TRIOBP: variants seen among roughly 807,000 people sequenced by gnomAD.
TRIOBP encodes the protein TRIO and F-actin binding protein.
TRIOBP carries 169 observed loss-of-function variants against 238.8 expected under a neutral mutation model. The ratio of observed to expected loss-of-function variants is 0.71; its 90% CI spans 0.62 to 0.80. The LOEUF (loss-of-function observed/expected upper bound fraction) is 0.80. Among genes scored for constraint, TRIOBP ranks in the 30% least tolerant of loss-of-function variants. The pLI is 0.00. For synonymous variants in TRIOBP, 1,150 were observed against 1,274.4 expected (o/e 0.90, Z 2.08); for missense variants, 2,838 against 3,122.6 (o/e 0.91, Z 2.17).
At chr22:37,721,799 G>A (rs530384296) in intron 6 of TRIOBP, among the ~76,000 whole-genome samples, 1 of 152,306 alleles carries the variant, frequency 6.6e-6, no homozygotes, top group African/African-American at 2.4e-5. Context: ...CCTTTAAGAT[G>A]AGGCCATGAT....
At chr22:37,748,981 C>T (rs1203820417) in intron 11 of TRIOBP, among the ~76,000 whole-genome samples, 4 of 152,156 alleles carry the variant, frequency 2.6e-5, no homozygotes, top group Non-Finnish European at 5.9e-5. Flanking sequence ...ACAGGGGCCC[C>T]TCAGCAAGGG....
chr22:37,761,219 G>T (rs905961143), intron 17 of TRIOBP, among the ~76,000 whole-genome samples: 3 of 152,046 alleles, frequency 2.0e-5, no homozygotes, highest in African/African-American at 7.2e-5. Context: ...AGGTGAGGTG[G>T]GTGGATCACT....
At chr22:37,757,554 G>A in intron 15 of TRIOBP, 59 bp from the exon 16 acceptor site, 1 of 1,539,614 alleles carries the variant, frequency 6.5e-7, no homozygotes, top group Non-Finnish European at 8.7e-7. Flanking sequence ...CTCCAAAAGT[G>A]CTCATTGTGG....
chr22:37,739,505 T>C (rs1055008044), intron 10 of TRIOBP, among the ~76,000 whole-genome samples: 3 of 152,104 alleles, frequency 2.0e-5, no homozygotes, highest in Non-Finnish European at 4.4e-5. Flanking sequence ...ACTGTGCAGA[T>C]GAGGAAATGG....
chr22:37,765,661 G>C lies in TRIOBP; in HGVS notation c.6325-9G>C, dbSNP rs1458434005. Reference sequence around the variant, plus strand: ...GGCAGCCTGTGACACCCTGGCGTCCGGCCCACAGGAGGCATGTGAGCGCAG... The same window carrying C: ...GGCAGCCTGTGACACCCTGGCGTCCCGCCCACAGGAGGCATGTGAGCGCAG... On this transcript the variant is annotated splice_polypyrimidine_tract_variant and intron_variant, in intron 17 of 23. Transcript: ENST00000644935. 2 of 1,549,346 alleles carry C rather than the reference G, an allele frequency of 1.3e-6. No homozygotes were observed. Among genetic ancestry groups the C allele is most frequent in the Non-Finnish European group, 1.7e-6 (2 of 1,146,956 alleles).
intron 3 of TRIOBP, among the ~76,000 whole-genome samples, chr22:37,704,381 TCAGAACAGAA>T (rs71195040): frequency 0.019 from 2,582 of 137,736 alleles, 84 homozygotes; most frequent in African/African-American, 0.067. Flanking sequence ...GGACCCTGAC[TCAGAACAGAA>T]CAGAACAGAA....
rs1923967022 is a variant in TRIOBP, at chr22:37,723,876, C to T, written c.1320C>T (p.Ala440=). 1.9e-6 allele frequency: 3 copies of T among 1,589,856 alleles called. No individual in the cohort carries two copies. Among genetic ancestry groups the T allele is most frequent in the East Asian group, 4.5e-5 (2 of 44,284 alleles). ...GCGCCCAGCGGGACAATCCCAGAGC[C>T]TCCTCTCCCAGTAGAGCTACACGAG... ...TSCAQRDNPR[A]SSPSRATRDN... Residue 440 remains alanine, a synonymous_variant, in exon 7 of 24, where the codon GCC becomes GCT. Transcript: ENST00000644935.
Position 37,746,886 on chromosome 22 carries a change from C to T in TRIOBP, c.5323-4886C>T, listed in dbSNP as rs921668641. Among the ~76,000 whole-genome samples the T allele has an allele frequency of 2.0e-5, 3 of 151,492 alleles. No individual in the cohort carries two copies. The East Asian group carries it at 6.0e-4, about 30-fold the overall frequency. ...TGACCCGGGCCTGGGCAAGCCAGCC[C>T]TCCGTGTGGCCGCTGGCCCGAGGTC... On this transcript the variant is annotated intron_variant, in intron 11 of 23. Coordinates refer to ENST00000644935, the MANE Select transcript of TRIOBP (RefSeq NM_001039141.3).
chr22:37,747,225 C>G (rs1925329109), intron 11 of TRIOBP, among the ~76,000 whole-genome samples: 1 of 152,194 alleles, frequency 6.6e-6, no homozygotes, highest in Non-Finnish European at 1.5e-5. Flanking sequence ...GTGAGTTGCC[C>G]GAGGTCACCC....
At chr22:37,700,492 T>G (rs1193762105) in intron 2 of TRIOBP, among the ~76,000 whole-genome samples, 4 of 151,480 alleles carry the variant, frequency 2.6e-5, no homozygotes, top group Admixed American at 1.3e-4. Flanking sequence ...CATGGCTCAC[T>G]GCAGCCTCGA....
At chr22:37,768,966 G>A in intron 19 of TRIOBP, 62 bp from the exon 20 acceptor site, 1 of 1,609,998 alleles carries the variant, frequency 6.2e-7, no homozygotes, top group Non-Finnish European at 8.5e-7. Flanking sequence ...CTACCTGACT[G>A]GACTCCAGGC....
At chr22:37,733,220 T>C in intron 7 of TRIOBP, 78 bp from the exon 8 acceptor site, 1 of 1,126,026 alleles carries the variant, frequency 8.9e-7, no homozygotes. Flanking sequence ...CATCTCCTCC[T>C]GTTGGAGGTG....
intron 17 of TRIOBP, among the ~76,000 whole-genome samples, chr22:37,760,933 C>A (rs1446616936): frequency 2.0e-5 from 3 of 149,158 alleles, no homozygotes; most frequent in Non-Finnish European, 4.4e-5. Context: ...GATTGCGCCA[C>A]GGCACTCCAG....
intron 21 of TRIOBP, 122 bp downstream of exon 21, chr22:37,769,497 C>T (rs1926664301): frequency 1.0e-6 from 1 of 963,586 alleles, no homozygotes; most frequent in Non-Finnish European, 1.6e-6. Flanking sequence ...GTGGCTGGGC[C>T]AGCCTGACTA....
intron 23 of TRIOBP, among the ~76,000 whole-genome samples, chr22:37,773,177 G>GT (rs1926869705): frequency 6.7e-6 from 1 of 149,960 alleles, no homozygotes; most frequent in African/African-American, 2.5e-5. Flanking sequence ...AGGGCTCAAA[G>GT]TGGTTGGTTG....
At chr22:37,761,659 A>G (rs1926248530) in intron 17 of TRIOBP, among the ~76,000 whole-genome samples, 1 of 152,072 alleles carries the variant, frequency 6.6e-6, no homozygotes, top group African/African-American at 2.4e-5. Context: ...GACCAGATCT[A>G]CGGAAGGCAG....
intron 7 of TRIOBP, among the ~76,000 whole-genome samples, chr22:37,732,546 G>A (rs1924477916): frequency 6.7e-6 from 1 of 148,658 alleles, no homozygotes; most frequent in South Asian, 2.1e-4. Flanking sequence ...TGCTTGGACA[G>A]TTTATGTTGG....
intron 3 of TRIOBP, among the ~76,000 whole-genome samples, chr22:37,704,989 C>T (rs1453989134): frequency 1.3e-5 from 2 of 151,942 alleles, no homozygotes; most frequent in African/African-American, 4.8e-5. Flanking sequence ...GGGAGGATTA[C>T]TGGATCCCAG....
At chr22:37,755,715 A>G in intron 15 of TRIOBP, 56 bp downstream of exon 15, 2 of 1,520,268 alleles carry the variant, frequency 1.3e-6, no homozygotes, top group Non-Finnish European at 9.1e-7. Context: ...TGCGTCCCCG[A>G]GTGGGTTTCT....
Sources: allele counts gnomAD v4.1 joint callset (sites outside exome capture counted in the v4.1 genomes callset), GRCh38; gene constraint gnomAD v4.1.1; transcripts MANE v1.5; gene names NCBI Gene and HGNC (gene_info 2026-07-23, HGNC 2026-07-21).